Variants in PDPR observed in about 807,000 individuals in gnomAD.
The protein encoded by PDPR is pyruvate dehydrogenase phosphatase regulatory subunit, mitochondrial.
A neutral mutation model predicts 102.2 loss-of-function variants in PDPR; 50 were observed. The ratio of observed to expected loss-of-function variants is 0.49; its 90% confidence interval spans 0.39 to 0.62. PDPR has a LOEUF of 0.62. Among genes scored for constraint, PDPR ranks in the 20% least tolerant of loss-of-function variants. The pLI is 0.00. For synonymous variants in PDPR, 259 were observed against 406.0 expected (o/e 0.64, Z 4.35); for missense variants, 625 against 1,098.2 (o/e 0.57, Z 6.09).
chr16:70,156,650 A>G lies in PDPR; in HGVS notation c.2411A>G (p.Tyr804Cys). 6.2e-7 allele frequency: 1 copy of G among 1,614,076 alleles called. No individual in the cohort carries two copies. Among genetic ancestry groups the G allele is most frequent in the East Asian group, 2.2e-5 (1 of 44,892 alleles). Residue 804 changes from tyrosine (Y) to cysteine (C), a missense_variant, in exon 19 of 19, where the codon TAC becomes TGC. Physicochemically the swap from Tyr to Cys is radical, Grantham distance 194. This residue lies in a region of PDPR where 303 missense variants were observed against 258.9 expected (regional missense o/e 1.17). Coordinates refer to ENST00000288050, the MANE Select transcript of PDPR (RefSeq NM_017990.5). ...GTTGGCAAGACCACCAGCAGTGCCT[A>G]CAGCTACAGCCTGGAGCGCCACGTT... ...QYVGKTTSSA[Y>C]SYSLERHVCL...
intron 17 of PDPR, among the ~76,000 whole-genome samples, chr16:70,149,913 C>T (rs1252489278): frequency 6.6e-6 from 1 of 152,166 alleles, no homozygotes; most frequent in Admixed American, 6.5e-5. Flanking sequence ...GCCTCAGCCT[C>T]CTGAGTAGCT....
rs1397185049 is a variant in PDPR, at chr16:70,159,215, G to C, written c.*2336G>C. On this transcript the variant is annotated 3_prime_UTR_variant, in exon 19 of 19. Coordinates refer to ENST00000288050, the MANE Select transcript of PDPR (RefSeq NM_017990.5). ...ACACGTTTTTAATTAGCTGTCCTTT[G>C]TAAGAAGTCAGGAAATCTGATGCTG... 1 of 152,354 alleles carries C rather than the reference G, an allele frequency of 6.6e-6. No individual in the cohort carries two copies. The highest frequency in any genetic ancestry group is 1.5e-5 in the Non-Finnish European group (1 of 68,076). The allele number at this position is 152,354 out of a possible 1,614,324, so 9.4% of individuals were successfully genotyped here. A position where few individuals can be genotyped will look rare whatever the true frequency, so the allele number is the denominator to read the frequency against.
intron 3 of PDPR, among the ~76,000 whole-genome samples, chr16:70,123,389 A>T (rs1387418057): frequency 3.5e-4 from 53 of 152,178 alleles, no homozygotes; most frequent in African/African-American, 1.2e-3. Context: ...GGCATGCACT[A>T]CCATGCCTGG....
At chr16:70,153,314 C>A in intron 17 of PDPR, 77 bp from the exon 18 acceptor site, 2 of 1,419,656 alleles carry the variant, frequency 1.4e-6, no homozygotes, top group Non-Finnish European at 1.9e-6. Context: ...ATAGTGTGAG[C>A]CATCAGCGCT....
rs1180899760 is a variant in PDPR at position 70,158,858 on chromosome 16, A to G, written c.*1979A>G. 1 of 152,508 alleles carries G rather than the reference A, an allele frequency of 6.6e-6. No individual in the cohort carries two copies. The highest frequency in any genetic ancestry group is 1.9e-4 in the East Asian group (1 of 5,200). The allele number at this position is 152,508 out of a possible 1,614,324, so 9.4% of individuals were successfully genotyped here. ...GCTGCAGGCCTCCTCTGCTCTTCCA[A>G]ACACGTAGCATTTGCACCCCTCCAA... is the stretch of plus-strand genomic sequence containing the variant. On this transcript the variant is annotated 3_prime_UTR_variant, in exon 19 of 19. Coordinates refer to ENST00000288050, the MANE Select transcript of PDPR (RefSeq NM_017990.5).
chr16:70,142,368 T>C lies in PDPR; in HGVS notation c.1450T>C (p.Tyr484His). ...MEKHGFERPK[Y>H]FVPPDKDLLA... ...GAAACATGGATTTGAGAGGCCAAAG[T>C]ACTTTGTTCCCCCCGACAAGGGTAA... The change falls in exon 12 of 19, where the codon TAC becomes CAC. Residue 484 changes from tyrosine (Y) to histidine (H), a missense_variant. Tyr to His is a moderately conservative substitution (Grantham distance 83, BLOSUM62 2). This residue lies in a region of PDPR where 34 missense variants were observed against 76.6 expected (regional missense o/e 0.44). Coordinates refer to ENST00000288050, the MANE Select transcript of PDPR (RefSeq NM_017990.5). The C allele has an allele frequency of 6.2e-7, 1 of 1,613,844 alleles. No homozygotes were observed. Among genetic ancestry groups the C allele is most frequent in the Non-Finnish European group, 8.5e-7 (1 of 1,179,906 alleles).
chr16:70,133,421 C>CTTTTTTTTTTTTTTTTTTTTTT (rs1162339028), intron 9 of PDPR, among the ~76,000 whole-genome samples: 5 of 103,752 alleles, frequency 4.8e-5, no homozygotes, highest in African/African-American at 4.0e-5. Context: ...TGCGTCTGGC[C>CTTTTTTTTTTTTTTTTTTTTTT]TTTTTTTTTT....
At chr16:70,152,159 T>G (rs1966786393) in intron 17 of PDPR, among the ~76,000 whole-genome samples, 3 of 152,278 alleles carry the variant, frequency 2.0e-5, no homozygotes, top group Non-Finnish European at 4.4e-5. Context: ...CTGATTCAGG[T>G]GTTTCCCTTA....
At chr16:70,151,881 T>C (rs1352869098) in intron 17 of PDPR, among the ~76,000 whole-genome samples, 1 of 152,194 alleles carries the variant, frequency 6.6e-6, no homozygotes, top group East Asian at 1.9e-4. Flanking sequence ...CTCTGGTATT[T>C]TGTGAGAAAA....
intron 10 of PDPR, among the ~76,000 whole-genome samples, chr16:70,138,091 G>C (rs1422331821): frequency 6.7e-6 from 1 of 150,094 alleles, no homozygotes; most frequent in Non-Finnish European, 1.5e-5. Context: ...GCCCAGGCTG[G>C]AGTGCAATGG....
Position 70,153,588 on chromosome 16 carries a change from C to A in PDPR, c.2235+15C>A. The A allele has an allele frequency of 6.3e-7, 1 of 1,583,814 alleles. No individual in the cohort carries two copies. The highest frequency in any genetic ancestry group is 8.6e-7 in the Non-Finnish European group (1 of 1,165,836). The stretch of plus-strand genomic sequence containing the variant: ...AATTAGAGAAGGTACTGTGTTTACC[C>A]AGACTCCACTTTCACTCAGCATCCC... On this transcript the variant is annotated intron_variant, in intron 18 of 18. Transcript: ENST00000288050.
chr16:70,133,154 G>C (rs1461329333), intron 9 of PDPR, among the ~76,000 whole-genome samples: 17 of 120,248 alleles, frequency 1.4e-4, no homozygotes, highest in Non-Finnish European at 2.1e-4. Flanking sequence ...TCGCTCTGTT[G>C]CCCAGGCTGG....
chr16:70,151,786 CAGGAAGCTTATGTTTGTCT>C (rs1418903282), intron 17 of PDPR, among the ~76,000 whole-genome samples: 8 of 152,184 alleles, frequency 5.3e-5, no homozygotes, highest in Non-Finnish European at 8.8e-5. Context: ...GGCTTTTGTC[CAGGAAGCTTATGTTTGTCT>C]CTCTGAGAAG....
At chr16:70,141,029 C>A (rs1207613640) in intron 11 of PDPR, among the ~76,000 whole-genome samples, 2 of 152,198 alleles carry the variant, frequency 1.3e-5, no homozygotes, top group Non-Finnish European at 2.9e-5. Context: ...TTACTTATTG[C>A]TGTTGAAGAT....
At chr16:70,132,935 C>A (rs1035758697) in intron 9 of PDPR, among the ~76,000 whole-genome samples, 3 of 152,216 alleles carry the variant, frequency 2.0e-5, no homozygotes, top group South Asian at 4.1e-4. Flanking sequence ...ACATCAGCCT[C>A]CCAAGTAGCT....
chr16:70,149,700 A>G (rs911859391), intron 17 of PDPR, among the ~76,000 whole-genome samples: 6 of 152,268 alleles, frequency 3.9e-5, no homozygotes, highest in East Asian at 1.9e-4. Flanking sequence ...ACTAATAGAC[A>G]TTTATGTTAT....
At position 70,159,929 on chromosome 16, in the gene PDPR, T is replaced by C. The variant is rs1350460400; in HGVS notation, c.*3050T>C. The C allele has an allele frequency of 1.3e-5, 2 of 153,114 alleles. No homozygotes were observed. Among genetic ancestry groups the C allele is most frequent in the African/African-American group, 4.8e-5 (2 of 41,498 alleles). The allele number at this position is 153,114 out of a possible 1,614,324, so 9.5% of individuals were successfully genotyped here. A position where few individuals can be genotyped will look rare whatever the true frequency, so the allele number is the denominator to read the frequency against. On this transcript the variant is annotated 3_prime_UTR_variant, in exon 19 of 19. Transcript: ENST00000288050. ...CACGTTTGTCTTCTGTCCCTAGAGA[T>C]TTGAAGGATTTTGGACTCTTGTGAA...
At position 70,156,561 on chromosome 16, in the gene PDPR, C is replaced by T. The variant is rs752069572; in HGVS notation, c.2322C>T (p.Asp774=). The change falls in exon 19 of 19, where the codon GAC becomes GAT. Residue 774 remains aspartate (D), a synonymous_variant. Coordinates refer to ENST00000288050, the MANE Select transcript of PDPR (RefSeq NM_017990.5). Reference sequence around the variant, plus strand: ...GCCTCACCATGTTCATCCTGGACGACCATGATTCAGACCTAGACCTTTGGC... The same window carrying T: ...GCCTCACCATGTTCATCCTGGACGATCATGATTCAGACCTAGACCTTTGGC... ...YKRLTMFILD[D]HDSDLDLWPW... 9.9e-6 allele frequency: 16 copies of T among 1,614,068 alleles called. No homozygotes were observed. Among genetic ancestry groups the T allele is most frequent in the African/African-American group, 1.3e-5 (1 of 75,076 alleles).
chr16:70,156,399 C>A, intron 18 of PDPR, 76 bp from the exon 19 acceptor site: 1 of 1,540,334 alleles, frequency 6.5e-7, no homozygotes, highest in Non-Finnish European at 8.8e-7. Context: ...CACCAGGGGA[C>A]CCTTCCCACG....
Sources: allele counts gnomAD v4.1 joint callset (sites outside exome capture counted in the v4.1 genomes callset), GRCh38; gene constraint gnomAD v4.1.1; regional missense constraint gnomAD v4.1.1; transcripts MANE v1.5; gene names NCBI Gene and HGNC (gene_info 2026-07-23, HGNC 2026-07-21).